Variants in SYT7 observed in about 807,000 individuals in gnomAD.
The protein encoded by SYT7 is synaptotagmin 7.
Under a neutral mutation model 75.1 loss-of-function variants are expected in SYT7, and 29 were observed. The observed-to-expected ratio is 0.39, with a 90% CI of 0.29 to 0.53. The LOEUF (loss-of-function observed/expected upper bound fraction) is 0.53, where lower values mean the gene tolerates loss of function less well. Ranked by LOEUF, SYT7 falls within the 20% of genes least tolerant of loss-of-function variation. The pLI is 0.77. For missense variants in SYT7, 693 were observed against 953.2 expected, an observed-to-expected ratio of 0.73 and a Z score of 3.59; for synonymous variants, 376 against 401.7, an observed-to-expected ratio of 0.94 and a Z score of 0.76.
At chr11:61,588,172 C>T in the SYT7 span, among the ~76,000 whole-genome samples, 10 of 152,148 alleles carry the variant, frequency 6.6e-5, no homozygotes, top group Non-Finnish European at 1.5e-4. Context: ...GGCCCTCTCC[C>T]TCACCAAGGC....
chr11:61,580,962 G>T lies in SYT7; in HGVS notation c.-142C>A. 1 of 985,990 alleles carries T rather than the reference G, an allele frequency of 1.0e-6. No individual in the cohort carries two copies. The highest frequency in any genetic ancestry group is 4.5e-5 in the South Asian group (1 of 22,058). The allele number at this position is 985,990 out of a possible 1,614,324, so 61.1% of individuals were successfully genotyped here. A position where few individuals can be genotyped will look rare whatever the true frequency, so the allele number is the denominator to read the frequency against. On this transcript the variant is annotated 5_prime_UTR_variant, in exon 1 of 13. Coordinates refer to ENST00000539008, the MANE Select transcript of SYT7 (RefSeq NM_001365809.2). The surrounding 1 kb of genome is among the most constrained non-coding windows in gnomAD (Gnocchi z 6.1). Reference sequence around the variant, plus strand: ...GGGGCCGAGCGGGCTGCACCTAGCCGCGGAGCCGGGGAGCGGGGGCCGCCC... The same window carrying T: ...GGGGCCGAGCGGGCTGCACCTAGCCTCGGAGCCGGGGAGCGGGGGCCGCCC...
intron 1 of SYT7, among the ~76,000 whole-genome samples, chr11:61,565,313 G>A (rs1189049659): frequency 6.6e-6 from 1 of 152,170 alleles, no homozygotes; most frequent in Admixed American, 6.5e-5. Flanking sequence ...AGGGTGATCT[G>A]GGCATGGAAA....
At position 61,551,337 on chromosome 11, in the gene SYT7, T is replaced by A. The variant is rs200825373; in HGVS notation, c.215+47A>T. Reference sequence around the variant, plus strand: ...GGGGAGAGAAGGGGCTCCTCCCACCTGGGCTGCTTGTGTGGCCCCATCCCA... The same window carrying A: ...GGGGAGAGAAGGGGCTCCTCCCACCAGGGCTGCTTGTGTGGCCCCATCCCA... On this transcript the variant is annotated intron_variant, in intron 3 of 12. Coordinates refer to ENST00000539008, the MANE Select transcript of SYT7 (RefSeq NM_001365809.2). The surrounding 1 kb of genome is among the most constrained non-coding windows in gnomAD (Gnocchi z 5.3). The A allele has an allele frequency of 1.9e-4, 296 of 1,583,830 alleles. No individual in the cohort carries two copies. The highest frequency in any genetic ancestry group is 2.3e-4 in the Non-Finnish European group (270 of 1,154,478).
At chr11:61,550,570 A>G (rs2063319485) in intron 3 of SYT7, among the ~76,000 whole-genome samples, 1 of 152,140 alleles carries the variant, frequency 6.6e-6, no homozygotes, top group East Asian at 1.9e-4. Flanking sequence ...ATGTGGGGTT[A>G]CCACCCCTAC....
rs1274341000 is a variant in SYT7, at chr11:61,547,203, A to G, written c.321T>C (p.Pro107=). ...TGAGGGACAGTCGTGGGTCGCCATA[A>G]GGGGCGTAGGGTGAAATGTTTAGAA... The part of the protein sequence containing the change: ...EFILNISPYA[P]YGDPRLSLNG... Residue 107 remains proline (P), a synonymous_variant, in exon 4 of 13, where the codon CCT becomes CCC. Transcript: ENST00000539008. 1 of 1,535,558 alleles carries G rather than the reference A, an allele frequency of 6.5e-7. No homozygotes were observed. The highest frequency in any genetic ancestry group is 8.7e-7 in the Non-Finnish European group (1 of 1,146,690).
In SYT7 at chr11:61,576,113, C is replaced by T. The variant is rs2064068808; in HGVS notation, c.31+4677G>A. Among the ~76,000 whole-genome samples the T allele has an allele frequency of 4.6e-5, 7 of 152,360 alleles. No individual in the cohort carries two copies. Among genetic ancestry groups the T allele is most frequent in the Middle Eastern group, 3.4e-3 (1 of 294 alleles). Reference sequence around the variant, plus strand: ...TCCAGGCCAAAGCTCTGGGCACAGTCCAGCCCTTTCCACAAGTCCCATGCT... The same window carrying T: ...TCCAGGCCAAAGCTCTGGGCACAGTTCAGCCCTTTCCACAAGTCCCATGCT... On this transcript the variant is annotated intron_variant, in intron 1 of 12. Transcript: ENST00000539008. This position sits in a 1 kb window ranked among gnomAD's most constrained non-coding sequence, Gnocchi z 4.1.
rs1365160986 is a variant in SYT7 at position 61,542,301 on chromosome 11, G to A, written c.851C>T (p.Ala284Val). ...GTTGGAGCGGCTGCGGCCCCCTGCC[G>A]CCCGGTACTTGGAGCCGGCCGAGGT... Reference protein sequence around the residue: ...QGTSAGSKYRAAGGRSRSNPG... With the variant: ...QGTSAGSKYRVAGGRSRSNPG... The change falls in exon 6 of 13, where the codon GCG (alanine) becomes GTG (valine). Residue 284 changes from alanine to valine, a missense_variant. Around this residue, in one of 2 missense-constraint regions of SYT7, gnomAD observed 487 missense variants for 593.2 expected, o/e 0.82. Transcript: ENST00000539008. The surrounding 1 kb of genome is among the most constrained non-coding windows in gnomAD (Gnocchi z 7.8). 4 of 1,534,122 alleles carry A rather than the reference G, an allele frequency of 2.6e-6. No homozygotes were observed. Among genetic ancestry groups the A allele is most frequent in the Non-Finnish European group, 3.5e-6 (4 of 1,146,000 alleles).
chr11:61,530,646 G>A (rs1313655300), intron 8 of SYT7, among the ~76,000 whole-genome samples: 3 of 152,344 alleles, frequency 2.0e-5, no homozygotes, highest in Admixed American at 2.0e-4. Flanking sequence ...AAGTTGGGGT[G>A]GAGTTGCTGG....
Position 61,542,069 on chromosome 11 carries a change from G to A in SYT7, c.941+142C>T. The A allele has an allele frequency of 1.7e-6, 2 of 1,144,664 alleles. No individual in the cohort carries two copies. The highest frequency in any genetic ancestry group is 2.4e-6 in the Non-Finnish European group (2 of 842,552). 70.9% of individuals were successfully genotyped at this position (1,144,664 alleles called of 1,614,324 possible). ...GCAGGAGCCACAAGAGGCTAAGGAG[G>A]GGGCTGCCAAGTCTGCTTGGCACCC... On this transcript the variant is annotated intron_variant, in intron 6 of 12. Transcript: ENST00000539008. This position sits in a 1 kb window ranked among gnomAD's most constrained non-coding sequence, Gnocchi z 7.8.
chr11:61,530,360 G>A (rs946999587), intron 8 of SYT7, among the ~76,000 whole-genome samples: 2 of 151,948 alleles, frequency 1.3e-5, no homozygotes, highest in African/African-American at 2.4e-5. Context: ...AAGCGCCACC[G>A]CAGGCCCATT....
rs2064204160 is a variant in SYT7 at position 61,580,030 on chromosome 11, T to C, written c.31+760A>G. On this transcript the variant is annotated intron_variant, in intron 1 of 12. Transcript: ENST00000539008. The surrounding 1 kb of genome is among the most constrained non-coding windows in gnomAD (Gnocchi z 6.1). ...GATTCTTCGGCTTTGGCTTAGAGGATACCAAGCAGACAGTGGGCTCCCAGG... is the reference window on the plus strand; with the variant it reads ...GATTCTTCGGCTTTGGCTTAGAGGACACCAAGCAGACAGTGGGCTCCCAGG... Among the ~76,000 whole-genome samples the C allele has an allele frequency of 6.6e-6, 1 of 152,020 alleles. No individual in the cohort carries two copies. Among genetic ancestry groups the C allele is most frequent in the South Asian group, 2.1e-4 (1 of 4,830 alleles).
At chr11:61,587,693 G>T in the SYT7 span, among the ~76,000 whole-genome samples, 2 of 151,924 alleles carry the variant, frequency 1.3e-5, no homozygotes, top group African/African-American at 4.8e-5. Flanking sequence ...GCCCGCAAAC[G>T]CCCGGCCTGG....
At chr11:61,561,034 T>C (rs1262002715) in intron 1 of SYT7, among the ~76,000 whole-genome samples, 1 of 152,194 alleles carries the variant, frequency 6.6e-6, no homozygotes, top group Non-Finnish European at 1.5e-5. Context: ...ACAGTTCTAA[T>C]GTCCCCTTCA....
At position 61,556,155 on chromosome 11, in the gene SYT7, A is replaced by C; in HGVS notation, c.84T>G (p.Leu28=). The C allele has an allele frequency of 6.2e-7, 1 of 1,614,012 alleles. No individual in the cohort carries two copies. Among genetic ancestry groups the C allele is most frequent in the Non-Finnish European group, 8.5e-7 (1 of 1,179,946 alleles). Residue 28 remains leucine, a synonymous_variant, in exon 2 of 13, where the codon CTT becomes CTG. Transcript: ENST00000539008. ...LLVSAIITVS[L]SVTVVLCGLC... ...GGCCGCAGAGGACGACAGTGACGCT[A>C]AGGCTGACGGTGATGATGGCAGAGA...
intron 6 of SYT7, chr11:61,540,124 ACT>A (rs1465933889): frequency 2.0e-5 from 3 of 151,978 alleles, no homozygotes; most frequent in African/African-American, 4.8e-5. Context: ...CCGATTCGTC[ACT>A]CTCTCCAGCT....
In SYT7 at chr11:61,537,745, C is replaced by T. The variant is rs142954805; in HGVS notation, c.1064+399G>A. Reference sequence around the variant, plus strand: ...GGGATGAGGGAGAACGGGCTGGCGCCCCTTCCCTTACATCCCCCCCGCCCA... The same window carrying T: ...GGGATGAGGGAGAACGGGCTGGCGCTCCTTCCCTTACATCCCCCCCGCCCA... On this transcript the variant is annotated intron_variant, in intron 7 of 12. Coordinates refer to ENST00000539008, the MANE Select transcript of SYT7 (RefSeq NM_001365809.2). Among the ~76,000 whole-genome samples the T allele has an allele frequency of 4.6e-5, 7 of 151,492 alleles. No homozygotes were observed. The East Asian group carries it at 9.7e-4, about 21-fold the overall frequency.
the SYT7 span, among the ~76,000 whole-genome samples, chr11:61,587,009 A>T: frequency 2.6e-5 from 4 of 152,260 alleles, no homozygotes; most frequent in South Asian, 8.3e-4. Flanking sequence ...GCTGATGGGA[A>T]CCAAGCAGAA....
chr11:61,542,439 C>T lies in SYT7; in HGVS notation c.713G>A (p.Arg238Gln), dbSNP rs146563315. The change falls in exon 6 of 13, where the codon CGG becomes CAG. Residue 238 changes from arginine to glutamine, a missense_variant. Arg to Gln is a conservative substitution (Grantham distance 43). Transcript: ENST00000539008. The surrounding 1 kb of genome is among the most constrained non-coding windows in gnomAD (Gnocchi z 7.8). Reference protein sequence around the residue: ...QQPLSQHQRGRQPSQPTTSQS... With the variant: ...QQPLSQHQRGQQPSQPTTSQS... ...GCTGGTGGTGGGCTGGCTGGGCTGCCGGCCCCGCTGGTGCTGGCTCAGCGG... is the reference window on the plus strand; with the variant it reads ...GCTGGTGGTGGGCTGGCTGGGCTGCTGGCCCCGCTGGTGCTGGCTCAGCGG... 0.011 allele frequency: 17,301 copies of T among 1,532,704 alleles called. 126 individuals carry two copies. The highest frequency in any genetic ancestry group is 0.014 in the Non-Finnish European group (16,002 of 1,146,030). The allele number at this position is 1,532,704 out of a possible 1,614,324, so 94.9% of individuals were successfully genotyped here. A position where few individuals can be genotyped will look rare whatever the true frequency, so the allele number is the denominator to read the frequency against.
At chr11:61,529,038 G>C (rs2062619882) in intron 8 of SYT7, among the ~76,000 whole-genome samples, 1 of 152,062 alleles carries the variant, frequency 6.6e-6, no homozygotes, top group South Asian at 2.1e-4. Flanking sequence ...CTGAACCTGT[G>C]AGCACACCAG....
Sources: allele counts gnomAD v4.1 joint callset (sites outside exome capture counted in the v4.1 genomes callset), GRCh38; gene constraint gnomAD v4.1.1; regional missense constraint gnomAD v4.1.1; non-coding constraint Gnocchi (gnomAD v3.1); transcripts MANE v1.5; gene names NCBI Gene and HGNC (gene_info 2026-07-23, HGNC 2026-07-21).